MYO3B: variants seen among roughly 807,000 people sequenced by gnomAD.
MYO3B encodes myosin IIIB.
MYO3B carries 156 observed loss-of-function variants against 174.6 expected under a neutral mutation model. The observed-to-expected ratio is 0.89, with a 90% CI of 0.78 to 1.02. The LOEUF is 1.02. MYO3B is among the 50% of genes least tolerant of loss of function. The pLI is 0.00. For synonymous variants in MYO3B, 563 were observed against 569.1 expected, an observed-to-expected ratio of 0.99 and a Z score of 0.15; for missense variants, 1,632 against 1,639.4, an observed-to-expected ratio of 1.00 and a Z score of 0.08.
In MYO3B at chr2:170,483,375, C is replaced by CTTTTTT. The variant is rs61527598; in HGVS notation, c.3015-15193_3015-15188dup. 1.3e-3 allele frequency among the ~76,000 whole-genome samples: 83 copies of CTTTTTT among 62,106 alleles called. 5 individuals are homozygous for CTTTTTT. The highest frequency in any genetic ancestry group is 1.5e-3 in the Non-Finnish European group (53 of 34,704). 40.7% of individuals were successfully genotyped at this position (62,106 alleles called of 152,430 possible). On this transcript the variant is annotated intron_variant, in intron 25 of 34. Coordinates refer to ENST00000408978, the MANE Select transcript of MYO3B (RefSeq NM_138995.5). ...AATTAAAACTCCTTGCTTGGGGATT[C>CTTTTTT]TTTTTTTTTTTTTTTTTTTTTTTTT...
In MYO3B at chr2:170,586,135, G is replaced by A. The variant is rs112207129; in HGVS notation, c.3733+42147G>A. Among the ~76,000 whole-genome samples, 1,042 of 152,352 alleles carry A rather than the reference G, an allele frequency of 6.8e-3. 8 individuals carry two copies. The highest frequency in any genetic ancestry group is 0.011 in the Non-Finnish European group (735 of 68,030). On this transcript the variant is annotated intron_variant, in intron 32 of 34. Coordinates refer to ENST00000408978, the MANE Select transcript of MYO3B (RefSeq NM_138995.5). Reference sequence around the variant, plus strand: ...TTTGGCGGAGTGAATTTACTAAGCAGTGGAGTGAAAACTGGAAACTAGAAT... The same window carrying A: ...TTTGGCGGAGTGAATTTACTAAGCAATGGAGTGAAAACTGGAAACTAGAAT...
chr2:170,607,709 A>G (rs150650906), intron 32 of MYO3B, among the ~76,000 whole-genome samples: 12 of 152,378 alleles, frequency 7.9e-5, no homozygotes, highest in African/African-American at 2.9e-4. Flanking sequence ...TTATTAATAT[A>G]TATCCTAGCA....
At position 170,398,400 on chromosome 2, in the gene MYO3B, G is replaced by C. The variant is rs551115423; in HGVS notation, c.1792-1788G>C. ...AAAGCTCTCCGAATCTCATCATTTA[G>C]GGGTTTTTACGGAGGTTCCATTATA... is the stretch of plus-strand genomic sequence containing the variant. On this transcript the variant is annotated intron_variant, in intron 16 of 34. Transcript: ENST00000408978. 2.0e-5 allele frequency among the ~76,000 whole-genome samples: 3 copies of C among 152,184 alleles called. No individual in the cohort carries two copies. The South Asian group carries it at 6.3e-4, about 32-fold the overall frequency.
chr2:170,527,452 A>G (rs1018204252), intron 30 of MYO3B, among the ~76,000 whole-genome samples: 1 of 152,232 alleles, frequency 6.6e-6, no homozygotes, highest in Non-Finnish European at 1.5e-5. Context: ...AATAGATTTC[A>G]TGTCATTCGG....
In MYO3B at chr2:170,217,370, G is replaced by A. The variant is rs1336777506; in HGVS notation, c.578G>A (p.Gly193Asp). Reference protein sequence around the residue: ...STRLRRNTSVGTPFWMAPEVI... With the variant: ...STRLRRNTSVDTPFWMAPEVI... Reference sequence around the variant, plus strand: ...CGTCTGCGGAGAAACACATCTGTTGGCACCCCGTTCTGGATGGCCCCTGAG... The same window carrying A: ...CGTCTGCGGAGAAACACATCTGTTGACACCCCGTTCTGGATGGCCCCTGAG... The change falls in exon 6 of 35, where the codon GGC becomes GAC. Residue 193 changes from glycine to aspartate, a missense_variant. By Grantham distance (94) the Gly-to-Asp change is moderately conservative. Transcript: ENST00000408978. The A allele has an allele frequency of 1.9e-6, 3 of 1,613,948 alleles. No individual in the cohort carries two copies. The highest frequency in any genetic ancestry group is 2.5e-6 in the Non-Finnish European group (3 of 1,179,928).
In MYO3B at chr2:170,398,510, G is replaced by A. The variant is rs112393464; in HGVS notation, c.1792-1678G>A. Among the ~76,000 whole-genome samples, 550 of 152,190 alleles carry A rather than the reference G, an allele frequency of 3.6e-3. 7 individuals carry two copies. The highest frequency in any genetic ancestry group is 0.013 in the African/African-American group (538 of 41,516). ...GCTCCCCAGAGATTGGGTTGAGGAGGACCCAAAAGTTCGAACTCTCTAATC... is the reference window on the plus strand; with the variant it reads ...GCTCCCCAGAGATTGGGTTGAGGAGAACCCAAAAGTTCGAACTCTCTAATC... On this transcript the variant is annotated intron_variant, in intron 16 of 34. Coordinates refer to ENST00000408978, the MANE Select transcript of MYO3B (RefSeq NM_138995.5).
chr2:170,512,464 A>C (rs4668270), intron 28 of MYO3B, among the ~76,000 whole-genome samples: 151,273 of 152,296 alleles, frequency 0.99, 75,138 homozygotes, highest in East Asian at 1. Flanking sequence ...CATCCGTATG[A>C]GCCTTCTCTG....
intron 24 of MYO3B, among the ~76,000 whole-genome samples, chr2:170,465,512 T>A (rs1183949594): frequency 6.6e-6 from 1 of 152,130 alleles, no homozygotes; most frequent in Non-Finnish European, 1.5e-5. Context: ...CATTTCAACA[T>A]GAGATTTGGA....
At chr2:170,352,218 G>T (rs996140100) in intron 8 of MYO3B, among the ~76,000 whole-genome samples, 17 of 152,206 alleles carry the variant, frequency 1.1e-4, no homozygotes, top group Non-Finnish European at 2.5e-4. Context: ...CTCCCAAAAT[G>T]CTGAGATTAC....
At chr2:170,563,095 CTT>C (rs1419163565) in intron 32 of MYO3B, among the ~76,000 whole-genome samples, 9 of 143,454 alleles carry the variant, frequency 6.3e-5, no homozygotes, top group Non-Finnish European at 1.2e-4. Flanking sequence ...CACATACACT[CTT>C]TCTCTCTCTC....
chr2:170,191,987 T>C (rs2092545993), intron 1 of MYO3B, among the ~76,000 whole-genome samples: 1 of 152,220 alleles, frequency 6.6e-6, no homozygotes, highest in Non-Finnish European at 1.5e-5. Context: ...GAAGTGAGGT[T>C]GATTGCAGTT....
At chr2:170,469,011 T>A (rs1041878153) in intron 25 of MYO3B, among the ~76,000 whole-genome samples, 1 of 152,004 alleles carries the variant, frequency 6.6e-6, no homozygotes, top group Admixed American at 6.6e-5. Context: ...AAAAATTAGC[T>A]GGGTGTGGTG....
At chr2:170,559,366 T>A (rs1553521583) in intron 32 of MYO3B, among the ~76,000 whole-genome samples, 1 of 152,262 alleles carries the variant, frequency 6.6e-6, no homozygotes, top group Non-Finnish European at 1.5e-5. Flanking sequence ...GGCTGTAGAC[T>A]GTAAAGTCTA....
intron 32 of MYO3B, among the ~76,000 whole-genome samples, chr2:170,556,459 T>C (rs1341753517): frequency 2.6e-5 from 4 of 152,192 alleles, no homozygotes; most frequent in Non-Finnish European, 5.9e-5. Flanking sequence ...CCTTCAGCAA[T>C]GAGTGAGAGT....
At chr2:170,193,650 T>C (rs1315834625) in intron 1 of MYO3B, among the ~76,000 whole-genome samples, 1 of 152,084 alleles carries the variant, frequency 6.6e-6, no homozygotes, top group Non-Finnish European at 1.5e-5. Context: ...GCTTTTTTTG[T>C]TGTTATGTCA....
intron 7 of MYO3B, among the ~76,000 whole-genome samples, chr2:170,241,205 G>A (rs1238285738): frequency 1.3e-5 from 2 of 151,884 alleles, no homozygotes; most frequent in Non-Finnish European, 2.9e-5. Context: ...TGCTAAGTTG[G>A]AACACACTTT....
chr2:170,649,259 TATAATATATTATATATAAA>T (rs1293219611), intron 32 of MYO3B, among the ~76,000 whole-genome samples: 3 of 63,316 alleles, frequency 4.7e-5, no homozygotes, highest in African/African-American at 1.1e-4. Context: ...TAAAATAATA[TATAATATATTATATATAAA>T]ATAATATATA....
intron 32 of MYO3B, among the ~76,000 whole-genome samples, chr2:170,600,333 A>G (rs1694431958): frequency 6.6e-6 from 1 of 152,160 alleles, no homozygotes; most frequent in African/African-American, 2.4e-5. Flanking sequence ...AGAAAACAAT[A>G]ATCTCGAAAA....
intron 1 of MYO3B, among the ~76,000 whole-genome samples, chr2:170,191,927 G>T (rs2092545248): frequency 6.6e-6 from 1 of 152,132 alleles, no homozygotes; most frequent in African/African-American, 2.4e-5. Context: ...TGTAACTCGA[G>T]ATTCTCCTAT....
Sources: allele counts gnomAD v4.1 joint callset (sites outside exome capture counted in the v4.1 genomes callset), GRCh38; gene constraint gnomAD v4.1.1; transcripts MANE v1.5; gene names NCBI Gene and HGNC (gene_info 2026-07-23, HGNC 2026-07-21).